The following SUSD4 variants were observed in gnomAD, a reference collection of about 807,000 sequenced individuals.
The protein encoded by SUSD4 is sushi domain containing 4.
A neutral mutation model predicts 50.5 loss-of-function variants in SUSD4; 41 were observed. The observed-to-expected ratio is 0.81, with a 90% CI of 0.63 to 1.05. The LOEUF (loss-of-function observed/expected upper bound fraction) is 1.05, where lower values mean the gene tolerates loss of function less well. Ranked by LOEUF, SUSD4 falls within the 50% of genes least tolerant of loss-of-function variation. SUSD4 has a pLI of 0.00. For synonymous variants in SUSD4, 257 were observed against 257.3 expected (o/e 1.00, Z 0.01); for missense variants, 580 against 634.7 (o/e 0.91, Z 0.93).
intron 3 of SUSD4, among the ~76,000 whole-genome samples, chr1:223,286,602 A>T (rs2103131320): frequency 6.6e-6 from 1 of 152,356 alleles, no homozygotes; most frequent in African/African-American, 2.4e-5. Flanking sequence ...TGTGGGGAGC[A>T]TCAGGAAAGA....
At chr1:223,358,805 T>C (rs539910073) in intron 2 of SUSD4, 57 of 197,758 alleles carry the variant, frequency 2.9e-4, no homozygotes, top group Non-Finnish European at 4.6e-4. Context: ...TGAAGAAACA[T>C]ACATTAGAGT....
intron 8 of SUSD4, among the ~76,000 whole-genome samples, 193 bp downstream of exon 8, chr1:223,223,056 C>G (rs989999003): frequency 7.9e-5 from 12 of 152,206 alleles, no homozygotes; most frequent in Admixed American, 2.6e-4. Context: ...GATGATCATT[C>G]CCTACAATAA....
chr1:223,363,122 AG>A (rs1669089919), intron 2 of SUSD4, among the ~76,000 whole-genome samples, 155 bp downstream of exon 2: 1 of 152,108 alleles, frequency 6.6e-6, no homozygotes, highest in African/African-American at 2.4e-5. Flanking sequence ...GTTTCGGAGA[AG>A]GGCGGCCATA....
intron 2 of SUSD4, among the ~76,000 whole-genome samples, chr1:223,355,696 G>A (rs17163834): frequency 7.9e-5 from 12 of 152,196 alleles, no homozygotes; most frequent in African/African-American, 2.6e-4. Flanking sequence ...CACTTCCACG[G>A]TGGTAATTCT....
At chr1:223,351,732 A>G (rs1201588113) in intron 2 of SUSD4, among the ~76,000 whole-genome samples, 7 of 152,184 alleles carry the variant, frequency 4.6e-5, no homozygotes. Context: ...TCCATGCATC[A>G]TCCTGGGTGC....
intron 2 of SUSD4, among the ~76,000 whole-genome samples, chr1:223,308,273 T>A (rs1665667865): frequency 6.6e-6 from 1 of 152,132 alleles, no homozygotes; most frequent in African/African-American, 2.4e-5. Context: ...CTTGGTGCTG[T>A]TCTTGTGATA....
Position 223,244,194 on chromosome 1 carries a change from T to C in SUSD4, c.725-14806A>G, listed in dbSNP as rs374462726. ...GGAAGGCACCTGGACCAAAAGGAGGTAGATGTTCTTTTATGCACAGTAAGA... is the reference window on the plus strand; with the variant it reads ...GGAAGGCACCTGGACCAAAAGGAGGCAGATGTTCTTTTATGCACAGTAAGA... On this transcript the variant is annotated intron_variant, in intron 5 of 8. Coordinates refer to ENST00000366878, the MANE Select transcript of SUSD4 (RefSeq NM_017982.4). Among the ~76,000 whole-genome samples, 31 of 152,068 alleles carry C rather than the reference T, an allele frequency of 2.0e-4. 1 individual carries two copies. Among genetic ancestry groups the C allele is most frequent in the African/African-American group, 7.2e-4 (30 of 41,478 alleles).
intron 5 of SUSD4, among the ~76,000 whole-genome samples, chr1:223,232,157 A>G (rs1473183166): frequency 2.0e-5 from 3 of 152,198 alleles, no homozygotes; most frequent in African/African-American, 7.2e-5. Flanking sequence ...AGTGGTTACC[A>G]GGGTTGGGGA....
At chr1:223,286,755 G>A (rs1664170100) in intron 3 of SUSD4, among the ~76,000 whole-genome samples, 1 of 152,236 alleles carries the variant, frequency 6.6e-6, no homozygotes, top group Non-Finnish European at 1.5e-5. Flanking sequence ...CATCGAGTGA[G>A]TGCCTGGGGC....
chr1:223,249,095 C>T (rs1185967407), intron 5 of SUSD4, among the ~76,000 whole-genome samples: 1 of 152,186 alleles, frequency 6.6e-6, no homozygotes, highest in East Asian at 1.9e-4. Flanking sequence ...TTCACCACCA[C>T]AAGGTGAAAA....
chr1:223,354,037 A>AAAAAAAAAAAG (rs904346802), intron 2 of SUSD4, among the ~76,000 whole-genome samples: 4 of 151,894 alleles, frequency 2.6e-5, no homozygotes, highest in Non-Finnish European at 4.4e-5. Context: ...GTCTCAAGAA[A>AAAAAAAAAAAG]AAAAAAAAAA....
chr1:223,314,793 A>AAT (rs1666084791), intron 2 of SUSD4, among the ~76,000 whole-genome samples: 2 of 152,208 alleles, frequency 1.3e-5, no homozygotes, highest in African/African-American at 4.8e-5. Context: ...GCCATGTGGC[A>AAT]CTGTGAGTCC....
At chr1:223,237,502 A>C (rs939722310) in intron 5 of SUSD4, among the ~76,000 whole-genome samples, 3 of 151,870 alleles carry the variant, frequency 2.0e-5, no homozygotes, top group Non-Finnish European at 1.5e-5. Flanking sequence ...GATATTCTTT[A>C]TACGGTTGAG....
intron 2 of SUSD4, among the ~76,000 whole-genome samples, chr1:223,349,061 G>A (rs1668205021): frequency 6.6e-6 from 1 of 152,128 alleles, no homozygotes; most frequent in African/African-American, 2.4e-5. Context: ...GGAGGCATGA[G>A]GCTCCTTCTC....
At chr1:223,280,432 CA>C (rs1237670136) in intron 3 of SUSD4, among the ~76,000 whole-genome samples, 1 of 151,848 alleles carries the variant, frequency 6.6e-6, no homozygotes, top group African/African-American at 2.4e-5. Context: ...GCAGGGGTTG[CA>C]ATCCTGGTCT....
chr1:223,283,286 G>A (rs1215548683), intron 3 of SUSD4, among the ~76,000 whole-genome samples: 1 of 152,148 alleles, frequency 6.6e-6, no homozygotes, highest in African/African-American at 2.4e-5. Context: ...CCATCAGAGT[G>A]AACAGGCAAC....
At chr1:223,358,280 A>C (rs1668779734) in intron 2 of SUSD4, among the ~76,000 whole-genome samples, 1 of 152,126 alleles carries the variant, frequency 6.6e-6, no homozygotes, top group Non-Finnish European at 1.5e-5. Flanking sequence ...GGGTGGGAAA[A>C]AGAGAGCTGG....
chr1:223,315,134 T>A (rs1395657418), intron 2 of SUSD4, among the ~76,000 whole-genome samples: 1 of 152,256 alleles, frequency 6.6e-6, no homozygotes, highest in Non-Finnish European at 1.5e-5. Flanking sequence ...GCTGGCTGTC[T>A]TTGCTCATTC....
rs985135154 is a variant in SUSD4 at position 223,231,732 on chromosome 1, C to T, written c.725-2344G>A. ...GGCTCTTCTCTCCTTGGAGGCCCTC[C>T]TCCGTGCTGCTTCTCCTCTACTCAA... On this transcript the variant is annotated intron_variant, in intron 5 of 8. Coordinates refer to ENST00000366878, the MANE Select transcript of SUSD4 (RefSeq NM_017982.4). This position sits in a 1 kb window ranked among gnomAD's most constrained non-coding sequence, Gnocchi z 4.2. Among the ~76,000 whole-genome samples the T allele has an allele frequency of 1.3e-5, 2 of 152,190 alleles. No individual in the cohort carries two copies. Among genetic ancestry groups the T allele is most frequent in the East Asian group, 3.9e-4 (2 of 5,184 alleles).
Sources: allele counts gnomAD v4.1 joint callset (sites outside exome capture counted in the v4.1 genomes callset), GRCh38; gene constraint gnomAD v4.1.1; non-coding constraint Gnocchi (gnomAD v3.1); transcripts MANE v1.5; gene names NCBI Gene and HGNC (gene_info 2026-07-23, HGNC 2026-07-21).